The following FCF1 variants were observed in gnomAD, a reference collection of about 807,000 sequenced individuals.
FCF1 encodes the protein FCF1 rRNA-processing protein.
FCF1 carries 17 observed loss-of-function variants against 32.5 expected under a neutral mutation model. That is an observed-to-expected ratio of 0.52 (90% CI 0.36 to 0.78). FCF1 has a LOEUF of 0.78. Among genes scored for constraint, FCF1 ranks in the 30% least tolerant of loss-of-function variants. The pLI, the probability that FCF1 is intolerant of heterozygous loss-of-function variation, is 0.00. For synonymous variants in FCF1, 84 were observed against 78.4 expected, an observed-to-expected ratio of 1.07 and a Z score of -0.38; for missense variants, 201 against 241.1, an observed-to-expected ratio of 0.83 and a Z score of 1.10.
intron 5 of FCF1, among the ~76,000 whole-genome samples, chr14:74,729,337 G>A (rs1356859733): frequency 1.3e-5 from 2 of 151,860 alleles, no homozygotes; most frequent in Non-Finnish European, 2.9e-5. Context: ...TTGGGAGAGT[G>A]TATGTGTCGA....
At chr14:74,714,628 T>C (rs540198939) in intron 2 of FCF1, among the ~76,000 whole-genome samples, 3 of 152,338 alleles carry the variant, frequency 2.0e-5, no homozygotes, top group African/African-American at 7.2e-5. Context: ...TCAGCTTTTA[T>C]TTACTCATTA....
Position 74,734,167 on chromosome 14 carries a change from A to G in FCF1, c.545A>G (p.His182Arg). The G allele has an allele frequency of 6.3e-7, 1 of 1,590,452 alleles. No individual in the cohort carries two copies. Among genetic ancestry groups the G allele is most frequent in the Non-Finnish European group, 8.6e-7 (1 of 1,158,744 alleles). The change falls in exon 7 of 8, where the codon CAT becomes CGT. Residue 182 changes from histidine to arginine, a missense_variant. By Grantham distance (29) the His-to-Arg change is conservative. Around this residue, in one of 3 missense-constraint regions of FCF1, gnomAD observed 121 missense variants for 147.8 expected, o/e 0.82. Coordinates refer to ENST00000341162, the MANE Select transcript of FCF1 (RefSeq NM_015962.5). ...GTTCCTATCATGTACATTTCTAACC[A>G]TAGGTGAGAAATTTCCCTTGGAGAA... Reference protein sequence around the residue: ...PGVPIMYISNHRYNIERMPDD... With the variant: ...PGVPIMYISNRRYNIERMPDD...
chr14:74,737,689 GA>G lies in FCF1; in HGVS notation c.*2767del, dbSNP rs1211773702. The G allele has an allele frequency of 6.6e-6, 1 of 151,892 alleles. No homozygotes were observed. The highest frequency in any genetic ancestry group is 1.5e-5 in the Non-Finnish European group (1 of 67,936). 9.4% of individuals were successfully genotyped at this position (151,892 alleles called of 1,614,324 possible). ...ACAATGGCAAGGTGGCTATCCATTT[GA>G]AAAAAAATTAGGCCGGGCGTGGTGG... On this transcript the variant is annotated 3_prime_UTR_variant, in exon 8 of 8. Coordinates refer to ENST00000341162, the MANE Select transcript of FCF1 (RefSeq NM_015962.5).
Position 74,723,362 on chromosome 14 carries a change from T to C in FCF1, c.365+18T>C, listed in dbSNP as rs761523720. On this transcript the variant is annotated intron_variant, in intron 5 of 7. Coordinates refer to ENST00000341162, the MANE Select transcript of FCF1 (RefSeq NM_015962.5). ...GCTCTAAGGTAGGAAGGAGGTAAACTAGATCTGTTCTAGATTGGTATACTG... is the reference window on the plus strand; with the variant it reads ...GCTCTAAGGTAGGAAGGAGGTAAACCAGATCTGTTCTAGATTGGTATACTG... 2.2e-5 allele frequency: 35 copies of C among 1,578,486 alleles called. No individual in the cohort carries two copies. Among genetic ancestry groups the C allele is most frequent in the Non-Finnish European group, 2.7e-5 (31 of 1,148,358 alleles).
chr14:74,714,476 A>G (rs1365326689), intron 2 of FCF1, among the ~76,000 whole-genome samples: 1 of 152,238 alleles, frequency 6.6e-6, no homozygotes, highest in Non-Finnish European at 1.5e-5. Context: ...CTTTATAAGA[A>G]GCATATGGGG....
rs1014153896 is a variant in FCF1 at position 74,736,758 on chromosome 14, T to C, written c.*1828T>C. On this transcript the variant is annotated 3_prime_UTR_variant, in exon 8 of 8. Coordinates refer to ENST00000341162, the MANE Select transcript of FCF1 (RefSeq NM_015962.5). ...GCTCACATAATTTGGCGGTCATTGT[T>C]TTATACTGACTTACTCAATAAACAT... is the stretch of plus-strand genomic sequence containing the variant. 1.3e-5 allele frequency: 2 copies of C among 152,208 alleles called. No homozygotes were observed. Among genetic ancestry groups the C allele is most frequent in the Non-Finnish European group, 2.9e-5 (2 of 68,046 alleles). 9.4% of individuals were successfully genotyped at this position (152,208 alleles called of 1,614,324 possible). A position where few individuals can be genotyped will look rare whatever the true frequency, so the allele number is the denominator to read the frequency against.
chr14:74,734,320 A>G, intron 7 of FCF1, 150 bp downstream of exon 7: 2 of 552,704 alleles, frequency 3.6e-6, no homozygotes, highest in Admixed American at 3.0e-5. Flanking sequence ...ACAAAGCAAG[A>G]GCAAGAGCAA....
intron 5 of FCF1, among the ~76,000 whole-genome samples, chr14:74,725,825 G>A (rs148757879): frequency 2.6e-5 from 4 of 151,708 alleles, no homozygotes; most frequent in Non-Finnish European, 5.9e-5. Flanking sequence ...AGTCCCAGCT[G>A]CTGGGGAGGC....
At chr14:74,714,264 G>A (rs2090381320) in intron 2 of FCF1, among the ~76,000 whole-genome samples, 1 of 152,176 alleles carries the variant, frequency 6.6e-6, no homozygotes, top group African/African-American at 2.4e-5. Flanking sequence ...AACCAGCCTG[G>A]CCAACACGGT....
At chr14:74,730,159 A>G (rs1003687001) in intron 5 of FCF1, among the ~76,000 whole-genome samples, 8 of 151,874 alleles carry the variant, frequency 5.3e-5, no homozygotes, top group Non-Finnish European at 1.2e-4. Context: ...TCTAAAGTCT[A>G]AAAACATGCA....
chr14:74,715,049 C>T, intron 3 of FCF1, 106 bp downstream of exon 3: 1 of 1,145,084 alleles, frequency 8.7e-7, no homozygotes, highest in Non-Finnish European at 1.2e-6. Context: ...AAGTCTAGCA[C>T]AACTATGTAG....
intron 4 of FCF1, among the ~76,000 whole-genome samples, chr14:74,717,604 A>G (rs1217725525): frequency 2.0e-5 from 3 of 152,346 alleles, no homozygotes; most frequent in African/African-American, 7.2e-5. Flanking sequence ...AGGTGCTACC[A>G]GGCCTCTAAG....
At chr14:74,733,940 AT>A (rs1285232585) in intron 6 of FCF1, 135 bp from the exon 7 acceptor site, 1 of 566,678 alleles carries the variant, frequency 1.8e-6, no homozygotes, top group East Asian at 2.8e-5. Context: ...TACTCAACAA[AT>A]TGTTATAGCC....
At chr14:74,723,378 T>G in intron 5 of FCF1, 34 bp downstream of exon 5, 1 of 1,431,978 alleles carries the variant, frequency 7.0e-7, no homozygotes, top group Non-Finnish European at 9.8e-7. Flanking sequence ...TGTTCTAGAT[T>G]GGTATACTGA....
At chr14:74,722,748 A>T (rs1023460722) in intron 4 of FCF1, among the ~76,000 whole-genome samples, 5 of 151,982 alleles carry the variant, frequency 3.3e-5, no homozygotes, top group Non-Finnish European at 4.4e-5. Flanking sequence ...AGCCTGGGCA[A>T]CATGGCAAAG....
chr14:74,723,999 C>G (rs1227367071), intron 5 of FCF1, among the ~76,000 whole-genome samples: 1 of 152,090 alleles, frequency 6.6e-6, no homozygotes, highest in Non-Finnish European at 1.5e-5. Context: ...TTCTTAAATT[C>G]ACAGTGAGTT....
chr14:74,730,325 G>A (rs987465066), intron 5 of FCF1, among the ~76,000 whole-genome samples: 4 of 149,844 alleles, frequency 2.7e-5, no homozygotes, highest in African/African-American at 9.8e-5. Flanking sequence ...TGATCCTCCT[G>A]CTTTGGCCTC....
chr14:74,734,753 C>G, intron 7 of FCF1, 129 bp from the exon 8 acceptor site: 3 of 717,924 alleles, frequency 4.2e-6, no homozygotes, highest in Non-Finnish European at 7.5e-6. Context: ...ATGATGTTCC[C>G]CTAAATTGTT....
At chr14:74,734,795 G>A in intron 7 of FCF1, 87 bp from the exon 8 acceptor site, 2 of 996,800 alleles carry the variant, frequency 2.0e-6, no homozygotes, top group Non-Finnish European at 3.2e-6. Flanking sequence ...CAGTGGGGGT[G>A]AGAGTATTGC....
Sources: gnomAD v4.1 joint callset for allele counts (sites outside exome capture counted in the v4.1 genomes callset) on GRCh38, gnomAD v4.1.1 for gene constraint, gnomAD v4.1.1 regional missense constraint, MANE v1.5 for transcripts, NCBI Gene and HGNC (gene_info 2026-07-23, HGNC 2026-07-21) for gene names.